Variants in CHD1L observed in about 807,000 individuals in gnomAD.
The protein encoded by CHD1L is ATP-dependent chromatin remodeler CHD1L.
A neutral mutation model predicts 115.9 loss-of-function variants in CHD1L; 118 were observed. The ratio of observed to expected loss-of-function variants is 1.02; its 90% CI spans 0.88 to 1.19. The LOEUF (loss-of-function observed/expected upper bound fraction) is 1.19, where lower values mean the gene tolerates loss of function less well. Ranked by LOEUF, CHD1L falls within the 50% of genes most tolerant of loss-of-function variation. CHD1L has a pLI of 0.00. For synonymous variants in CHD1L, 411 were observed against 387.1 expected, an observed-to-expected ratio of 1.06 and a Z score of -0.72; for missense variants, 1,179 against 1,065.3, an observed-to-expected ratio of 1.11 and a Z score of -1.49.
chr1:147,294,563 G>A (rs1334166119), intron 22 of CHD1L, 46 bp downstream of exon 22: 2 of 1,459,042 alleles, frequency 1.4e-6, no homozygotes, highest in Non-Finnish European at 1.9e-6. Flanking sequence ...ACCCAAGAGG[G>A]AAAATGTGTT....
chr1:147,206,258 C>T, the CHD1L span, among the ~76,000 whole-genome samples: 412 of 151,114 alleles, frequency 2.7e-3, 2 homozygotes, highest in African/African-American at 9.0e-3. Flanking sequence ...ATTAAAAAGT[C>T]AGGAAACAAC....
chr1:147,203,216 G>T, the CHD1L span: 3 of 908,630 alleles, frequency 3.3e-6, no homozygotes, highest in South Asian at 1.7e-5. Flanking sequence ...AACATCACGC[G>T]ATTCTTAGAA....
chr1:147,269,837 A>G (rs940827376), intron 10 of CHD1L, among the ~76,000 whole-genome samples: 2 of 152,166 alleles, frequency 1.3e-5, no homozygotes, highest in African/African-American at 2.4e-5. Flanking sequence ...TGTCTTAGGT[A>G]TGGCCTGAAC....
At chr1:147,196,452 T>C in the CHD1L span, among the ~76,000 whole-genome samples, 2 of 151,988 alleles carry the variant, frequency 1.3e-5, no homozygotes, top group Non-Finnish European at 2.9e-5. Context: ...AGGAGGTATA[T>C]TTCTTGATTG....
chr1:147,249,552 C>T (rs1374396720), intron 1 of CHD1L, among the ~76,000 whole-genome samples: 2 of 151,744 alleles, frequency 1.3e-5, no homozygotes, highest in Non-Finnish European at 2.9e-5. Flanking sequence ...ACTACAGGCA[C>T]CCGCCACCAC....
chr1:147,188,235 T>C, the CHD1L span, among the ~76,000 whole-genome samples: 1 of 152,078 alleles, frequency 6.6e-6, no homozygotes, highest in African/African-American at 2.4e-5. Flanking sequence ...TCTATACTAT[T>C]CATGAGGTTG....
Position 147,295,510 on chromosome 1 carries a change from G to GA in CHD1L, c.*3dup. 6.2e-7 allele frequency: 1 copy of GA among 1,605,612 alleles called. No homozygotes were observed. Among genetic ancestry groups the GA allele is most frequent in the East Asian group, 2.2e-5 (1 of 44,758 alleles). On this transcript the variant is annotated 3_prime_UTR_variant, in exon 23 of 23. Transcript: ENST00000369258. ...CTCCTCAAGACAGCTGGTGCCTTAA[G>GA]AATTGGCCCAGCCTCAGATCCTGTC...
At chr1:147,233,490 C>T in the CHD1L span, among the ~76,000 whole-genome samples, 1 of 148,040 alleles carries the variant, frequency 6.8e-6, no homozygotes. Context: ...CAGCCCCCCG[C>T]CCGGCCAGCC....
chr1:147,259,363 A>C (rs1219013667), intron 5 of CHD1L: 1 of 152,562 alleles, frequency 6.6e-6, no homozygotes, highest in East Asian at 1.9e-4. Flanking sequence ...AGTTCCTACA[A>C]CACCACTGTC....
At chr1:147,212,313 C>A in the CHD1L span, 1 of 1,439,770 alleles carries the variant, frequency 6.9e-7, no homozygotes, top group South Asian at 1.2e-5. Flanking sequence ...TCCCTATTCT[C>A]TGTTGGGTCC....
chr1:147,233,418 A>G, the CHD1L span, among the ~76,000 whole-genome samples: 3 of 108,764 alleles, frequency 2.8e-5, no homozygotes, highest in Admixed American at 8.9e-5. Flanking sequence ...TCCGGGAGGG[A>G]GGTGGGGGGT....
intron 1 of CHD1L, among the ~76,000 whole-genome samples, chr1:147,251,672 G>A (rs1668449842): frequency 6.6e-6 from 1 of 151,944 alleles, no homozygotes; most frequent in African/African-American, 2.4e-5. Context: ...TAGGATTACA[G>A]GTGCCCGCCA....
chr1:147,184,451 G>T, the CHD1L span: 5 of 1,384,180 alleles, frequency 3.6e-6, no homozygotes, highest in South Asian at 1.9e-5. This position sits in a 1 kb window ranked among gnomAD's most constrained non-coding sequence, Gnocchi z 4.4. Context: ...TTCTTTTTCT[G>T]TTGCAGGAGT....
chr1:147,288,345 A>G (rs1221530324), intron 19 of CHD1L, among the ~76,000 whole-genome samples: 50 of 2,084 alleles, frequency 0.024, no homozygotes, highest in Non-Finnish European at 0.068. Flanking sequence ...AAAAAAAAAA[A>G]AGAAAAAGAG....
chr1:147,229,889 T>C, the CHD1L span, among the ~76,000 whole-genome samples: 4 of 152,042 alleles, frequency 2.6e-5, no homozygotes, highest in South Asian at 2.1e-4. Flanking sequence ...AAGTTGCTCA[T>C]CAGTTTAAGG....
the CHD1L span, among the ~76,000 whole-genome samples, chr1:147,194,840 C>G: frequency 6.6e-6 from 1 of 152,084 alleles, no homozygotes; most frequent in Non-Finnish European, 1.5e-5. Flanking sequence ...TTGGCCCCCA[C>G]TCTCTTCTGG....
chr1:147,185,541 A>T, the CHD1L span, among the ~76,000 whole-genome samples: 2 of 152,156 alleles, frequency 1.3e-5, no homozygotes, highest in Non-Finnish European at 2.9e-5. Context: ...AATTCGGTGA[A>T]AGGGCCGGCA....
the CHD1L span, chr1:147,174,435 G>T: frequency 2.6e-5 from 4 of 152,328 alleles, no homozygotes; most frequent in East Asian, 5.8e-4. Context: ...AGTCAAATCA[G>T]CCTAGCAGAA....
chr1:147,259,967 A>G, intron 6 of CHD1L, 49 bp downstream of exon 6: 2 of 1,335,328 alleles, frequency 1.5e-6, no homozygotes, highest in South Asian at 2.5e-5. Flanking sequence ...TTCTTTTTAA[A>G]TATACATTAT....
Sources: allele counts gnomAD v4.1 joint callset (sites outside exome capture counted in the v4.1 genomes callset), GRCh38; gene constraint gnomAD v4.1.1; non-coding constraint Gnocchi (gnomAD v3.1); transcripts MANE v1.5; gene names NCBI Gene and HGNC (gene_info 2026-07-23, HGNC 2026-07-21).